Variants in DIAPH2 observed in about 807,000 individuals in gnomAD.
DIAPH2 encodes the protein diaphanous related formin 2, also known as protein diaphanous homolog 2.
DIAPH2 carries 35 observed loss-of-function variants against 92.7 expected under a neutral mutation model. The observed-to-expected ratio is 0.38, with a 90% CI of 0.29 to 0.50. The LOEUF is 0.50. Ranked by LOEUF, DIAPH2 falls within the 20% of genes least tolerant of loss-of-function variation. The probability of loss-of-function intolerance (pLI) is 0.94; values close to 1 mark genes in which losing one functional copy is unlikely to be tolerated. For synonymous variants in DIAPH2, 301 were observed against 280.4 expected, an observed-to-expected ratio of 1.07 and a Z score of -0.73; for missense variants, 701 against 819.5, an observed-to-expected ratio of 0.86 and a Z score of 1.77.
rs72109103 is a variant in DIAPH2, at chrX:96,863,241, C to CT, written c.448-18321dup. ...TCCTTTCTTTGTGTTCTCATTATTCCTTTTTTTTTTTTTTTTTGGTTCTAC... is the reference window on the plus strand; with the variant it reads ...TCCTTTCTTTGTGTTCTCATTATTCCTTTTTTTTTTTTTTTTTTGGTTCTAC... On this transcript the variant is annotated intron_variant, in intron 4 of 26. Coordinates refer to ENST00000324765, the MANE Select transcript of DIAPH2 (RefSeq NM_006729.5). Among the ~76,000 whole-genome samples, 608 of 86,068 alleles carry CT rather than the reference C, an allele frequency of 7.1e-3. 5 individuals are homozygous for CT. Among genetic ancestry groups the CT allele is most frequent in the Middle Eastern group, 0.012 (2 of 168 alleles). The allele number at this position is 86,068 out of a possible 115,157, so 74.7% of individuals were successfully genotyped here.
At chrX:96,926,927 T>C (rs1192085792) in intron 9 of DIAPH2, among the ~76,000 whole-genome samples, 1 of 111,458 alleles carries the variant, frequency 9.0e-6, no homozygotes, top group South Asian at 3.7e-4. Context: ...ACAATAGATA[T>C]GGCGGACCAT....
chrX:97,172,330 T>G (rs912113976), intron 22 of DIAPH2, among the ~76,000 whole-genome samples: 2 of 112,031 alleles, frequency 1.8e-5, no homozygotes, highest in African/African-American at 3.2e-5. Context: ...CTTTTTGTTT[T>G]CTTTTTCTTG....
intron 22 of DIAPH2, among the ~76,000 whole-genome samples, chrX:97,171,200 A>AT (rs1321741755): frequency 8.9e-6 from 1 of 112,308 alleles, no homozygotes; most frequent in East Asian, 2.8e-4. Context: ...TCACGTAAGA[A>AT]TGTACCATGT....
At chrX:96,760,661 CAATATGTGGTCA>C (rs1317640179) in intron 4 of DIAPH2, among the ~76,000 whole-genome samples, 3 of 111,131 alleles carry the variant, frequency 2.7e-5, no homozygotes, top group African/African-American at 9.7e-5. Context: ...AGCTATACAC[CAATATGTGGTCA>C]AAACTCGTTT....
At chrX:97,427,709 C>A (rs1036290481) in intron 25 of DIAPH2, among the ~76,000 whole-genome samples, 5 of 81,968 alleles carry the variant, frequency 6.1e-5, no homozygotes, top group Non-Finnish European at 1.1e-4. Context: ...TAGATGGAAT[C>A]TCAGTCTGTT....
chrX:97,384,093 AT>A (rs2069576784), intron 25 of DIAPH2, 49 bp downstream of exon 25: 1 of 987,204 alleles, frequency 1.0e-6, no homozygotes, highest in Admixed American at 2.9e-5. Flanking sequence ...GTACAAAATA[AT>A]TGCAGTTATT....
intron 23 of DIAPH2, among the ~76,000 whole-genome samples, chrX:97,305,293 G>C (rs192024694): frequency 9.2e-4 from 102 of 110,398 alleles, no homozygotes; most frequent in African/African-American, 3.4e-3. Flanking sequence ...AGGAATTAAA[G>C]ACCAGCCTGG....
intron 23 of DIAPH2, among the ~76,000 whole-genome samples, chrX:97,262,459 GATTGC>G (rs1045625886): frequency 2.7e-5 from 3 of 112,226 alleles, no homozygotes; most frequent in African/African-American, 9.7e-5. Flanking sequence ...CCAGTGGCTG[GATTGC>G]AGCAAGTGAG....
intron 25 of DIAPH2, among the ~76,000 whole-genome samples, chrX:97,421,125 A>G (rs936007588): frequency 8.9e-6 from 1 of 111,763 alleles, no homozygotes; most frequent in African/African-American, 3.2e-5. Context: ...TTTGATGACT[A>G]TTGACACAGT....
chrX:97,225,597 C>T (rs773665003), intron 22 of DIAPH2, among the ~76,000 whole-genome samples: 1 of 111,612 alleles, frequency 9.0e-6, no homozygotes, highest in Non-Finnish European at 1.9e-5. Context: ...TACTGCTGCT[C>T]ACTCATATCC....
At chrX:97,231,526 C>T (rs1446714986) in intron 22 of DIAPH2, among the ~76,000 whole-genome samples, 1 of 111,144 alleles carries the variant, frequency 9.0e-6, no homozygotes, top group Non-Finnish European at 1.9e-5. Context: ...TAAAAATAAC[C>T]TGGTGTATCC....
intron 7 of DIAPH2, among the ~76,000 whole-genome samples, chrX:96,915,800 T>C (rs1236211126): frequency 8.9e-6 from 1 of 111,811 alleles, no homozygotes; most frequent in African/African-American, 3.2e-5. Flanking sequence ...CACACACATA[T>C]TCATGCTTAG....
chrX:97,198,265 TACACACACACAC>T (rs200339851), intron 22 of DIAPH2, among the ~76,000 whole-genome samples: 16 of 89,026 alleles, frequency 1.8e-4, no homozygotes, highest in East Asian at 1.1e-3. Flanking sequence ...AACAACAAAA[TACACACACACAC>T]ACACACACAC....
intron 17 of DIAPH2, among the ~76,000 whole-genome samples, chrX:97,046,720 C>A (rs189020758): frequency 1.8e-5 from 2 of 111,761 alleles, no homozygotes; most frequent in Admixed American, 1.9e-4. Context: ...ATAATGATTA[C>A]TAATGTCAAG....
Position 97,104,186 on chromosome X carries a change from A to G in DIAPH2, c.2349+4391A>G, listed in dbSNP as rs756114847. 7.1e-5 allele frequency among the ~76,000 whole-genome samples: 8 copies of G among 112,007 alleles called. No individual in the cohort carries two copies. In the South Asian group the frequency reaches 3.0e-3, roughly 42 times the overall value. ...TGCAAGTTCTATAAATGGATGAACT[A>G]TGTTGATTTTATTCACGTGTGCTTA... On this transcript the variant is annotated intron_variant, in intron 20 of 26. Transcript: ENST00000324765.
rs2071578398 is a variant in DIAPH2, at chrX:97,599,464, G to A, written c.*147G>A. The A allele has an allele frequency of 2.9e-6, 1 of 342,474 alleles. No homozygotes were observed. The highest frequency in any genetic ancestry group is 5.3e-6 in the Non-Finnish European group (1 of 187,228). 28.2% of individuals were successfully genotyped at this position (342,474 alleles called of 1,213,427 possible). On this transcript the variant is annotated 3_prime_UTR_variant, in exon 27 of 27. Coordinates refer to ENST00000324765, the MANE Select transcript of DIAPH2 (RefSeq NM_006729.5). ...AAGCTGGATGAAGTAGTGTGCATTT[G>A]TAATACTATTGCAAGACTCCTCCCA...
chrX:97,544,073 T>G (rs996433663), intron 26 of DIAPH2, among the ~76,000 whole-genome samples: 2 of 111,571 alleles, frequency 1.8e-5, no homozygotes, highest in Non-Finnish European at 3.8e-5. Flanking sequence ...TGACCATTGA[T>G]AGAAAAGAAA....
At chrX:97,039,096 A>T (rs978771440) in intron 17 of DIAPH2, among the ~76,000 whole-genome samples, 15 of 111,338 alleles carry the variant, frequency 1.3e-4, no homozygotes, top group African/African-American at 4.6e-4. Flanking sequence ...TCATGATTTT[A>T]AAAAATATTA....
intron 23 of DIAPH2, among the ~76,000 whole-genome samples, chrX:97,340,031 A>G (rs777315041): frequency 1.8e-5 from 2 of 111,764 alleles, no homozygotes; most frequent in Non-Finnish European, 3.8e-5. Context: ...ACAGATGGGA[A>G]GAGGTCACTC....
Sources: allele counts gnomAD v4.1 joint callset (sites outside exome capture counted in the v4.1 genomes callset), GRCh38; gene constraint gnomAD v4.1.1; transcripts MANE v1.5; gene names NCBI Gene and HGNC (gene_info 2026-07-23, HGNC 2026-07-21).